Variants in SMURF2 observed in about 807,000 individuals in gnomAD.
The protein encoded by SMURF2 is E3 ubiquitin-protein ligase SMURF2.
A neutral mutation model predicts 109.6 loss-of-function variants in SMURF2; 48 were observed. The ratio of observed to expected loss-of-function variants is 0.44; its 90% CI spans 0.35 to 0.56. The LOEUF is 0.56. Ranked by LOEUF, SMURF2 falls within the 20% of genes least tolerant of loss-of-function variation. The probability of loss-of-function intolerance (pLI) is 0.01; values close to 1 mark genes in which losing one functional copy is unlikely to be tolerated. For synonymous variants in SMURF2, 288 were observed against 317.1 expected, an observed-to-expected ratio of 0.91 and a Z score of 0.97; for missense variants, 575 against 909.0, an observed-to-expected ratio of 0.63 and a Z score of 4.72.
chr17:64,649,096 C>T (rs185773610), intron 1 of SMURF2, among the ~76,000 whole-genome samples: 1 of 152,314 alleles, frequency 6.6e-6, no homozygotes, highest in Non-Finnish European at 1.5e-5. Flanking sequence ...TGCAACTCTA[C>T]TATCTACTCC....
chr17:64,599,124 T>C (rs782084337), intron 2 of SMURF2, among the ~76,000 whole-genome samples: 2 of 152,240 alleles, frequency 1.3e-5, no homozygotes, highest in Non-Finnish European at 2.9e-5. Flanking sequence ...TATATCACTA[T>C]GTTAGGTACT....
rs1555689067 is a variant in SMURF2 at position 64,606,573 on chromosome 17, T to C, written c.91+29A>G. On this transcript the variant is annotated intron_variant, in intron 2 of 18. Coordinates refer to ENST00000262435, the MANE Select transcript of SMURF2 (RefSeq NM_022739.4). ...GCTGTTCCCAAAGATCTACATACAA[T>C]ACACAAGATTTAAAGTTAATTTACT... The C allele has an allele frequency of 2.7e-6, 4 of 1,474,248 alleles. No homozygotes were observed. The South Asian group carries it at 3.8e-5, about 14-fold the overall frequency. 91.3% of individuals were successfully genotyped at this position (1,474,248 alleles called of 1,614,324 possible). A position where few individuals can be genotyped will look rare whatever the true frequency, so the allele number is the denominator to read the frequency against.
At chr17:64,607,559 G>A (rs185086566) in intron 1 of SMURF2, among the ~76,000 whole-genome samples, 123 of 151,518 alleles carry the variant, frequency 8.1e-4, no homozygotes, top group Admixed American at 2.2e-3. Flanking sequence ...CCGGGAGAGG[G>A]AGGTTGCAGT....
At position 64,631,974 on chromosome 17, in the gene SMURF2, G is replaced by C. The variant is rs1048769424; in HGVS notation, c.53-25334C>G. Among the ~76,000 whole-genome samples, 3 of 140,906 alleles carry C rather than the reference G, an allele frequency of 2.1e-5. 1 individual carries two copies. The highest frequency in any genetic ancestry group is 2.1e-4 in the East Asian group (1 of 4,722). 92.4% of individuals were successfully genotyped at this position (140,906 alleles called of 152,430 possible). A position where few individuals can be genotyped will look rare whatever the true frequency, so the allele number is the denominator to read the frequency against. On this transcript the variant is annotated intron_variant, in intron 1 of 18. Transcript: ENST00000262435. ...TCTCTTTTTTTGCGGGGGGGGGGGGGGGGGGGTGGACAGAGGCACACTCGC... is the reference window on the plus strand; with the variant it reads ...TCTCTTTTTTTGCGGGGGGGGGGGGCGGGGGGTGGACAGAGGCACACTCGC...
intron 1 of SMURF2, among the ~76,000 whole-genome samples, chr17:64,626,280 AAC>A (rs1348595832): frequency 4.6e-5 from 7 of 151,762 alleles, no homozygotes; most frequent in Non-Finnish European, 1.0e-4. Flanking sequence ...AAAAACAAAA[AAC>A]ATAGGATTAT....
intron 1 of SMURF2, among the ~76,000 whole-genome samples, chr17:64,624,980 C>T (rs1970250027): frequency 6.6e-6 from 1 of 152,176 alleles, no homozygotes; most frequent in Non-Finnish European, 1.5e-5. Context: ...TAATAAGCAG[C>T]TACCACATCC....
chr17:64,566,400 T>A (rs1267924282), intron 10 of SMURF2, among the ~76,000 whole-genome samples: 3 of 151,728 alleles, frequency 2.0e-5, no homozygotes, highest in Non-Finnish European at 4.4e-5. Context: ...ATAATTTTTA[T>A]ATATTTTATG....
chr17:64,632,926 AAG>A (rs1411363706), intron 1 of SMURF2, among the ~76,000 whole-genome samples: 1 of 152,224 alleles, frequency 6.6e-6, no homozygotes, highest in Non-Finnish European at 1.5e-5. Context: ...GACTTAGGTA[AAG>A]AGTTTCTTAA....
At chr17:64,591,966 C>T (rs146685819) in intron 4 of SMURF2, among the ~76,000 whole-genome samples, 146 of 152,322 alleles carry the variant, frequency 9.6e-4, no homozygotes, top group African/African-American at 3.4e-3. Context: ...GAAGCAGTCA[C>T]AAGAAACAGA....
At position 64,566,561 on chromosome 17, in the gene SMURF2, G is replaced by GTTTTTTTTTTTTTTTTTTTTTTTT. The variant is rs1164717270; in HGVS notation, c.1017-3619_1017-3596dup. ...GATGTAGAAATGCTTAAGCTTTCTGGTTTTTTTTTTTTTTTTTTTTTTTTT... is the reference window on the plus strand; with the variant it reads ...GATGTAGAAATGCTTAAGCTTTCTGGTTTTTTTTTTTTTTTTTTTTTTTTTTTTTTTTTTTTTTTTTTTTTTTTT... On this transcript the variant is annotated intron_variant, in intron 10 of 18. Coordinates refer to ENST00000262435, the MANE Select transcript of SMURF2 (RefSeq NM_022739.4). Among the ~76,000 whole-genome samples, 52 of 43,800 alleles carry GTTTTTTTTTTTTTTTTTTTTTTTT rather than the reference G, an allele frequency of 1.2e-3. 16 individuals are homozygous for GTTTTTTTTTTTTTTTTTTTTTTTT. The highest frequency in any genetic ancestry group is 1.7e-3 in the Non-Finnish European group (41 of 23,538). 28.7% of individuals were successfully genotyped at this position (43,800 alleles called of 152,430 possible).
intron 1 of SMURF2, among the ~76,000 whole-genome samples, chr17:64,631,898 C>T (rs1970352696): frequency 7.2e-6 from 1 of 137,934 alleles, no homozygotes; most frequent in South Asian, 2.2e-4. Flanking sequence ...GCTATCATAT[C>T]TGCCTCTCAA....
intron 1 of SMURF2, among the ~76,000 whole-genome samples, chr17:64,658,681 C>G (rs960116341): frequency 3.9e-5 from 6 of 152,128 alleles, no homozygotes; most frequent in Admixed American, 6.5e-5. Flanking sequence ...TTAGAAATTA[C>G]ACTAAACTGC....
intron 1 of SMURF2, among the ~76,000 whole-genome samples, chr17:64,631,287 A>G (rs1598305142): frequency 6.5e-5 from 3 of 45,920 alleles, no homozygotes; most frequent in Non-Finnish European, 7.3e-5. Flanking sequence ...GGGGGGAGAG[A>G]GAGAGAGAGA....
chr17:64,635,113 G>A (rs1306126586), intron 1 of SMURF2, among the ~76,000 whole-genome samples: 2 of 152,048 alleles, frequency 1.3e-5, no homozygotes, highest in Non-Finnish European at 2.9e-5. Context: ...GATCGCTTGA[G>A]GCCAGAAGTT....
chr17:64,550,122 TC>T (rs1467002192), intron 16 of SMURF2, among the ~76,000 whole-genome samples: 3 of 152,242 alleles, frequency 2.0e-5, no homozygotes, highest in Non-Finnish European at 4.4e-5. Context: ...TCTAACTACT[TC>T]CTTCTGGCTA....
chr17:64,574,384 T>C (rs1969458960), intron 9 of SMURF2, among the ~76,000 whole-genome samples: 1 of 152,142 alleles, frequency 6.6e-6, no homozygotes, highest in Non-Finnish European at 1.5e-5. Context: ...CAGTATGCAA[T>C]ATAACAAATA....
At chr17:64,647,263 T>A (rs554103309) in intron 1 of SMURF2, among the ~76,000 whole-genome samples, 1 of 149,594 alleles carries the variant, frequency 6.7e-6, no homozygotes, top group Admixed American at 6.7e-5. Flanking sequence ...AAGCTGGAAA[T>A]CAGAAGAAAC....
chr17:64,655,682 T>C (rs1033756829), intron 1 of SMURF2, among the ~76,000 whole-genome samples: 2 of 151,550 alleles, frequency 1.3e-5, no homozygotes, highest in Non-Finnish European at 2.9e-5. Flanking sequence ...AGGTCAGGAG[T>C]TCGAGACCAA....
chr17:64,547,534 A>T lies in SMURF2; in HGVS notation c.2071+66T>A. 1 of 1,368,398 alleles carries T rather than the reference A, an allele frequency of 7.3e-7. No homozygotes were observed. 84.8% of individuals were successfully genotyped at this position (1,368,398 alleles called of 1,614,324 possible). A position where few individuals can be genotyped will look rare whatever the true frequency, so the allele number is the denominator to read the frequency against. On this transcript the variant is annotated intron_variant, in intron 17 of 18. Coordinates refer to ENST00000262435, the MANE Select transcript of SMURF2 (RefSeq NM_022739.4). This position sits in a 1 kb window ranked among gnomAD's most constrained non-coding sequence, Gnocchi z 4.2. ...AGCACATGGTTTACAAAATATCTCC[A>T]CAGACCCCACGCTGACAGCCCCGCC... is the stretch of plus-strand genomic sequence containing the variant.
Sources: gnomAD v4.1 joint callset for allele counts (sites outside exome capture counted in the v4.1 genomes callset) on GRCh38, gnomAD v4.1.1 for gene constraint, Gnocchi (gnomAD v3.1) non-coding constraint, MANE v1.5 for transcripts, NCBI Gene and HGNC (gene_info 2026-07-23, HGNC 2026-07-21) for gene names.